CFAP299: variants seen among roughly 807,000 people sequenced by gnomAD.
CFAP299 encodes cilia and flagella associated protein 299.
A neutral mutation model predicts 27.0 loss-of-function variants in CFAP299; 21 were observed. The ratio of observed to expected loss-of-function variants is 0.78; its 90% CI spans 0.55 to 1.12. The LOEUF (loss-of-function observed/expected upper bound fraction) is 1.12. Ranked by LOEUF, CFAP299 falls within the 50% of genes most tolerant of loss-of-function variation. CFAP299 has a pLI of 0.00. For missense variants in CFAP299, 310 were observed against 276.6 expected, an observed-to-expected ratio of 1.12 and a Z score of -0.86; for synonymous variants, 104 against 98.1, an observed-to-expected ratio of 1.06 and a Z score of -0.36.
At chr4:80,716,874 G>A (rs1014104497) in intron 3 of CFAP299, among the ~76,000 whole-genome samples, 5 of 152,034 alleles carry the variant, frequency 3.3e-5, no homozygotes, top group African/African-American at 1.2e-4. Context: ...GTGATAGAGA[G>A]GTTGCCCAGG....
chr4:80,375,564 C>T lies in CFAP299; in HGVS notation c.242+12680C>T, dbSNP rs1436531546. Among the ~76,000 whole-genome samples, 5 of 152,234 alleles carry T rather than the reference C, an allele frequency of 3.3e-5. No homozygotes were observed. The East Asian group carries it at 9.6e-4, about 29-fold the overall frequency. The stretch of plus-strand genomic sequence containing the variant: ...TTGCTGTTTCAGGCTGATCCACATG[C>T]AGTCTGTCACAGACTAGCCTCTCTG... On this transcript the variant is annotated intron_variant, in intron 2 of 5. Coordinates refer to ENST00000358105, the MANE Select transcript of CFAP299 (RefSeq NM_152770.3).
At chr4:80,462,099 C>T (rs1357928847) in intron 2 of CFAP299, among the ~76,000 whole-genome samples, 1 of 152,146 alleles carries the variant, frequency 6.6e-6, no homozygotes, top group Non-Finnish European at 1.5e-5. Flanking sequence ...AACCTTGGAT[C>T]CCCAACACTT....
intron 3 of CFAP299, among the ~76,000 whole-genome samples, chr4:80,741,418 T>C (rs1724263337): frequency 6.6e-6 from 1 of 152,086 alleles, no homozygotes; most frequent in African/African-American, 2.4e-5. Flanking sequence ...CTGCAAGGAC[T>C]GAGTCCCTCC....
intron 3 of CFAP299, among the ~76,000 whole-genome samples, chr4:80,659,806 T>C (rs1178626673): frequency 1.3e-5 from 2 of 152,126 alleles, no homozygotes; most frequent in African/African-American, 2.4e-5. Context: ...TCTGCATGAA[T>C]TTATTTCAAG....
chr4:80,454,214 GAGACTCA>G lies in CFAP299; in HGVS notation c.242+91336_242+91342del, dbSNP rs200173433. On this transcript the variant is annotated intron_variant, in intron 2 of 5. Transcript: ENST00000358105. ...GAGGTGATCTTCTTTGCTGCCTGGA[GAGACTCA>G]AGACTTAGGAATGCCAGGTATGATG... Among the ~76,000 whole-genome samples the G allele has an allele frequency of 9.3e-4, 142 of 152,234 alleles. 2 individuals carry two copies. The East Asian group carries it at 0.024, about 25-fold the overall frequency.
At chr4:80,767,941 C>A (rs1369017769) in intron 3 of CFAP299, among the ~76,000 whole-genome samples, 1 of 152,102 alleles carries the variant, frequency 6.6e-6, no homozygotes, top group African/African-American at 2.4e-5. Context: ...CAATATACTT[C>A]TTTTTTAAGA....
chr4:80,518,447 T>A (rs577336636), intron 2 of CFAP299, among the ~76,000 whole-genome samples: 1 of 152,276 alleles, frequency 6.6e-6, no homozygotes, highest in Non-Finnish European at 1.5e-5. Flanking sequence ...GTGAGTGGAT[T>A]ACACTTGCGA....
intron 4 of CFAP299, among the ~76,000 whole-genome samples, chr4:80,876,145 T>C (rs1015260186): frequency 2.7e-4 from 40 of 148,398 alleles, no homozygotes; most frequent in Middle Eastern, 7.1e-3. Flanking sequence ...AAATATTATA[T>C]ATTACATTTA....
chr4:80,740,374 G>C (rs2110063626), intron 3 of CFAP299, among the ~76,000 whole-genome samples: 1 of 152,320 alleles, frequency 6.6e-6, no homozygotes, highest in Middle Eastern at 3.4e-3. Flanking sequence ...CTGACTCGCA[G>C]AGATACTGCT....
At chr4:80,581,463 T>TATATATATAA (rs1553936117) in intron 2 of CFAP299, among the ~76,000 whole-genome samples, 18 of 130,134 alleles carry the variant, frequency 1.4e-4, no homozygotes, top group Admixed American at 4.5e-4. Flanking sequence ...GATATATATA[T>TATATATATAA]ATATATATAT....
chr4:80,797,990 G>T (rs1727969764), intron 3 of CFAP299, among the ~76,000 whole-genome samples: 1 of 152,052 alleles, frequency 6.6e-6, no homozygotes, highest in Non-Finnish European at 1.5e-5. Flanking sequence ...CCTACTTACT[G>T]GGCCCAAATC....
At position 80,947,323 on chromosome 4, in the gene CFAP299, T is replaced by A. The variant is rs536154765; in HGVS notation, c.606+2384T>A. 9.3e-4 allele frequency among the ~76,000 whole-genome samples: 142 copies of A among 152,292 alleles called. 2 individuals carry two copies. The South Asian group carries it at 0.025, about 26-fold the overall frequency. On this transcript the variant is annotated intron_variant, in intron 5 of 5. Transcript: ENST00000358105. ...CAACATTTGGATACGTATATTTCTT[T>A]AAATTTTAATTTTATCTTGTGGAAA...
At chr4:80,520,190 A>G (rs1328068661) in intron 2 of CFAP299, among the ~76,000 whole-genome samples, 2 of 152,146 alleles carry the variant, frequency 1.3e-5, no homozygotes, top group African/African-American at 2.4e-5. Flanking sequence ...GGGCTAACTT[A>G]TTTTACTATA....
At chr4:80,398,131 G>A (rs1438506455) in intron 2 of CFAP299, among the ~76,000 whole-genome samples, 1 of 152,104 alleles carries the variant, frequency 6.6e-6, no homozygotes, top group Non-Finnish European at 1.5e-5. Flanking sequence ...AACTTACAAG[G>A]CATGTGAAGG....
At chr4:80,835,244 C>T (rs1412447548) in intron 3 of CFAP299, among the ~76,000 whole-genome samples, 8 of 152,102 alleles carry the variant, frequency 5.3e-5, no homozygotes, top group South Asian at 2.1e-4. Context: ...GGACTACAGG[C>T]GCCCGTCACC....
intron 4 of CFAP299, among the ~76,000 whole-genome samples, chr4:80,875,921 T>A (rs1355870843): frequency 6.6e-6 from 1 of 151,872 alleles, no homozygotes; most frequent in Admixed American, 6.6e-5. Context: ...GTCATGATAT[T>A]CTTTGCTCAC....
intron 2 of CFAP299, among the ~76,000 whole-genome samples, chr4:80,371,465 A>T (rs1724149407): frequency 6.6e-6 from 1 of 152,144 alleles, no homozygotes; most frequent in African/African-American, 2.4e-5. Context: ...CTAGGCTGCA[A>T]ATTTTCCAAA....
At chr4:80,570,859 A>G (rs1048801206) in intron 2 of CFAP299, among the ~76,000 whole-genome samples, 3 of 152,178 alleles carry the variant, frequency 2.0e-5, no homozygotes, top group Non-Finnish European at 4.4e-5. Context: ...ATATTCATAC[A>G]CGAGAATACA....
At chr4:80,844,787 T>G (rs887578404) in intron 3 of CFAP299, among the ~76,000 whole-genome samples, 16 of 152,236 alleles carry the variant, frequency 1.1e-4, no homozygotes, top group African/African-American at 3.1e-4. Context: ...TTTTGGCTTT[T>G]GTTGCCATTG....
Sources: allele counts gnomAD v4.1 joint callset (sites outside exome capture counted in the v4.1 genomes callset), GRCh38; gene constraint gnomAD v4.1.1; transcripts MANE v1.5; gene names NCBI Gene and HGNC (gene_info 2026-07-23, HGNC 2026-07-21).